Variants in AGL observed in about 807,000 individuals in gnomAD.
AGL encodes amylo-alpha-1,6-glucosidase and 4-alpha-glucanotransferase.
AGL carries 128 observed loss-of-function variants against 199.3 expected under a neutral mutation model. That is an observed-to-expected ratio of 0.64 (90% CI 0.56 to 0.74). AGL has a LOEUF of 0.74. Among genes scored for constraint, AGL ranks in the 30% least tolerant of loss-of-function variants. The pLI, the probability that AGL is intolerant of heterozygous loss-of-function variation, is 0.00. For synonymous variants in AGL, 584 were observed against 594.7 expected (o/e 0.98, Z 0.26); for missense variants, 1,809 against 1,820.8 (o/e 0.99, Z 0.12).
chr1:99,869,542 G>A (rs1422679936), intron 5 of AGL, among the ~76,000 whole-genome samples: 1 of 152,196 alleles, frequency 6.6e-6, no homozygotes, highest in African/African-American at 2.4e-5. Flanking sequence ...CTTGGGCTGA[G>A]TTACTTAACT....
rs1244650534 is a variant in AGL at position 99,862,356 on chromosome 1, A to G, written c.393A>G (p.Thr131=). ...CCTTGGACTGTGTTACTCTTCAGAC[A>G]TTTTTAGCTAAGTGTTTGGGACCTT... ...VLPLDCVTLQ[T]FLAKCLGPFD... Residue 131 remains threonine, a synonymous_variant, in exon 4 of 34, where the codon ACA becomes ACG. Transcript: ENST00000361915. The G allele has an allele frequency of 3.1e-6, 5 of 1,613,956 alleles. No homozygotes were observed. Among genetic ancestry groups the G allele is most frequent in the Non-Finnish European group, 4.2e-6 (5 of 1,180,008 alleles).
chr1:99,876,732 T>G lies in AGL; in HGVS notation c.1423+135T>G. On this transcript the variant is annotated intron_variant, in intron 11 of 33. Transcript: ENST00000361915. ...TATTTCACCATAAAGGTACCAGAGA[T>G]ACATACAATTTGAGAAAGAAAACAT... 4 of 1,056,136 alleles carry G rather than the reference T, an allele frequency of 3.8e-6. No homozygotes were observed. The South Asian group carries it at 5.5e-5, about 15-fold the overall frequency. The allele number at this position is 1,056,136 out of a possible 1,614,324, so 65.4% of individuals were successfully genotyped here.
In AGL at chr1:99,903,042, A is replaced by G. The variant is rs533881247; in HGVS notation, c.3700+248A>G. On this transcript the variant is annotated intron_variant, in intron 27 of 33. Transcript: ENST00000361915. The stretch of plus-strand genomic sequence containing the variant: ...AACTATAATAATCGCCATGAACTGC[A>G]TGCTTACTATTGCTAGGCATTGTGG... 1.7e-4 allele frequency among the ~76,000 whole-genome samples: 26 copies of G among 152,344 alleles called. 1 individual carries two copies. In the South Asian group the frequency reaches 3.7e-3, roughly 22 times the overall value.
chr1:99,888,446 A>G (rs1467101151), intron 21 of AGL, among the ~76,000 whole-genome samples: 2 of 152,326 alleles, frequency 1.3e-5, no homozygotes, highest in South Asian at 2.1e-4. Flanking sequence ...TAAGGTCTGT[A>G]TAGCTCTTTA....
In AGL at chr1:99,881,592, C is replaced by T. The variant is rs1369361901; in HGVS notation, c.2209C>T (p.Pro737Ser). The change falls in exon 17 of 34, where the codon CCT becomes TCT. Residue 737 changes from proline (P) to serine (S), a missense_variant. Pro to Ser is a moderately conservative substitution (Grantham distance 74). Transcript: ENST00000361915. ...EDIVAVTRHS[P>S]SIHQSVVAVS... Reference sequence around the variant, plus strand: ...CATAGTGGCAGTAACAAGACACTCACCTAGCATCCATCAGTCTGTTGTGGC... The same window carrying T: ...CATAGTGGCAGTAACAAGACACTCATCTAGCATCCATCAGTCTGTTGTGGC... 1.9e-6 allele frequency: 3 copies of T among 1,613,928 alleles called. No individual in the cohort carries two copies. The highest frequency in any genetic ancestry group is 1.7e-5 in the Admixed American group (1 of 59,988).
chr1:99,865,736 A>G (rs768653431), intron 5 of AGL, among the ~76,000 whole-genome samples: 4 of 152,246 alleles, frequency 2.6e-5, no homozygotes, highest in Non-Finnish European at 5.9e-5. Context: ...AAAAGATACA[A>G]TCTGCTGTTT....
chr1:99,882,719 A>T (rs956900516), intron 17 of AGL, among the ~76,000 whole-genome samples: 1 of 152,152 alleles, frequency 6.6e-6, no homozygotes, highest in African/African-American at 2.4e-5. Flanking sequence ...TTATTGTCTT[A>T]CTTACTATTA....
At chr1:99,910,103 T>C (rs1654627182) in intron 27 of AGL, among the ~76,000 whole-genome samples, 1 of 152,198 alleles carries the variant, frequency 6.6e-6, no homozygotes, top group South Asian at 2.1e-4. Context: ...ATCTTTTTTA[T>C]ATAAATTTAA....
At chr1:99,915,529 C>G in intron 31 of AGL, 43 bp downstream of exon 31, 1 of 1,454,520 alleles carries the variant, frequency 6.9e-7, no homozygotes, top group Non-Finnish European at 9.6e-7. Context: ...CATATTTAAT[C>G]CAAATACATT....
At chr1:99,856,248 G>A (rs943390277) in intron 2 of AGL, among the ~76,000 whole-genome samples, 1 of 151,750 alleles carries the variant, frequency 6.6e-6, no homozygotes, top group African/African-American at 2.4e-5. Context: ...ATCCCTTGGG[G>A]TATGCGCTGA....
At chr1:99,878,428 AT>A (rs1651737223) in intron 12 of AGL, among the ~76,000 whole-genome samples, 1 of 152,042 alleles carries the variant, frequency 6.6e-6, no homozygotes, top group Non-Finnish European at 1.5e-5. Flanking sequence ...CATCGATTTA[AT>A]TTTTATTATT....
Position 99,874,695 on chromosome 1 carries a change from C to G in AGL, c.967C>G (p.Arg323Gly). Reference sequence around the variant, plus strand: ...TCTTTTCTTTCTTTTAGAAAATAGGCGAGTAACCAAGTCTGATCCAAACCA... The same window carrying G: ...TCTTTTCTTTCTTTTAGAAAATAGGGGAGTAACCAAGTCTGATCCAAACCA... ...FRRLLTQENR[R>G]VTKSDPNQHL... Residue 323 changes from arginine to glycine, a missense_variant, in exon 8 of 34, where the codon CGA becomes GGA. Transcript: ENST00000361915. The G allele has an allele frequency of 6.3e-7, 1 of 1,589,630 alleles. No homozygotes were observed. The highest frequency in any genetic ancestry group is 8.6e-7 in the Non-Finnish European group (1 of 1,163,200).
At chr1:99,884,794 CT>C (rs1279482012) in intron 20 of AGL, 91 bp downstream of exon 20, 2 of 1,479,824 alleles carry the variant, frequency 1.4e-6, no homozygotes, top group South Asian at 1.1e-5. Flanking sequence ...CCTCTATATC[CT>C]TGCTACTCAA....
rs772111178 is a variant in AGL at position 99,862,292 on chromosome 1, A to T, written c.329A>T (p.Asp110Val). The T allele has an allele frequency of 6.2e-7, 1 of 1,613,890 alleles. No individual in the cohort carries two copies. ...EKSGGGYIVVDPILRVGADNH... is the reference protein window; with the variant it reads ...EKSGGGYIVVVPILRVGADNH... ...AGTGGTGGAGGTTACATAGTTGTGG[A>T]CCCCATTTTACGTGTTGGTGCTGAT... Residue 110 changes from aspartate to valine, a missense_variant, in exon 4 of 34, where the codon GAC becomes GTC. By Grantham distance (152) the Asp-to-Val change is radical (BLOSUM62 -3). Transcript: ENST00000361915.
chr1:99,896,902 C>T (rs1230753601), intron 25 of AGL, among the ~76,000 whole-genome samples: 2 of 152,120 alleles, frequency 1.3e-5, no homozygotes, highest in African/African-American at 2.4e-5. Flanking sequence ...CCTCCGACTC[C>T]GCCTCCCGGG....
Position 99,877,802 on chromosome 1 carries a change from C to A in AGL, c.1585C>A (p.His529Asn). The A allele has an allele frequency of 1.2e-6, 2 of 1,613,998 alleles. No individual in the cohort carries two copies. Among genetic ancestry groups the A allele is most frequent in the Non-Finnish European group, 1.7e-6 (2 of 1,179,958 alleles). The change falls in exon 12 of 34, where the codon CAC (histidine) becomes AAC (asparagine). Residue 529 changes from histidine to asparagine, a missense_variant. His to Asn is a moderately conservative substitution (Grantham distance 68). Coordinates refer to ENST00000361915, the MANE Select transcript of AGL (RefSeq NM_000642.3). ...YFQGVRLDNC[H>N]STPLHVAEYM... is the part of the protein sequence containing the mutation. ...CCAGGGAGTACGTCTTGATAACTGCCACTCAACACCTCTTCACGTAGCTGA... is the reference window on the plus strand; with the variant it reads ...CCAGGGAGTACGTCTTGATAACTGCAACTCAACACCTCTTCACGTAGCTGA...
intron 2 of AGL, among the ~76,000 whole-genome samples, chr1:99,855,966 G>C (rs1298860874): frequency 6.6e-6 from 1 of 152,118 alleles, no homozygotes; most frequent in Non-Finnish European, 1.5e-5. Context: ...ATTGAGTGGA[G>C]GGGAAAAGAT....
At chr1:99,859,478 T>A (rs1649856041) in intron 2 of AGL, among the ~76,000 whole-genome samples, 1 of 152,194 alleles carries the variant, frequency 6.6e-6, no homozygotes, top group Non-Finnish European at 1.5e-5. Flanking sequence ...AGCCATACTT[T>A]TTTCCAGAAG....
chr1:99,913,749 C>T lies in AGL; in HGVS notation c.4161+11C>T, dbSNP rs886038361. The T allele has an allele frequency of 9.3e-6, 15 of 1,611,338 alleles. No homozygotes were observed. In the African/African-American group the frequency reaches 1.2e-4, roughly 13 times the overall value. On this transcript the variant is annotated intron_variant, in intron 30 of 33. Coordinates refer to ENST00000361915, the MANE Select transcript of AGL (RefSeq NM_000642.3). ...ATAGCAATGGTTGTGGTAGGTGATT[C>T]GTTTGTAAAAACATTTCAAAAAATG... is the stretch of plus-strand genomic sequence containing the variant.
Sources: gnomAD v4.1 joint callset for allele counts (sites outside exome capture counted in the v4.1 genomes callset) on GRCh38, gnomAD v4.1.1 for gene constraint, MANE v1.5 for transcripts, NCBI Gene and HGNC (gene_info 2026-07-23, HGNC 2026-07-21) for gene names.